RC3H1: variants seen among roughly 807,000 people sequenced by gnomAD.
RC3H1 encodes roquin-1.
Under a neutral mutation model 138.2 loss-of-function variants are expected in RC3H1, and 50 were observed. The ratio of observed to expected loss-of-function variants is 0.36; its 90% CI spans 0.29 to 0.46. The LOEUF (loss-of-function observed/expected upper bound fraction) is 0.46. Ranked by LOEUF, RC3H1 falls within the 20% of genes least tolerant of loss-of-function variation. The pLI, the probability that RC3H1 is intolerant of heterozygous loss-of-function variation, is 1.00. For missense variants in RC3H1, 1,031 were observed against 1,388.1 expected, an observed-to-expected ratio of 0.74 and a Z score of 4.09; for synonymous variants, 462 against 489.1, an observed-to-expected ratio of 0.94 and a Z score of 0.73.
At chr1:174,016,572 T>C (rs773770409) in intron 1 of RC3H1, among the ~76,000 whole-genome samples, 5 of 151,496 alleles carry the variant, frequency 3.3e-5, no homozygotes, top group Non-Finnish European at 7.4e-5. Context: ...GTTGTTCTTA[T>C]AACTAAATTA....
intron 7 of RC3H1, among the ~76,000 whole-genome samples, chr1:173,975,000 C>CA (rs1014670908): frequency 2.0e-5 from 3 of 152,154 alleles, no homozygotes; most frequent in African/African-American, 7.2e-5. Flanking sequence ...ACTGGAATGA[C>CA]AGAGTTGCCA....
intron 3 of RC3H1, 96 bp downstream of exon 3, chr1:173,984,403 G>T: frequency 8.5e-7 from 1 of 1,182,568 alleles, no homozygotes; most frequent in Non-Finnish European, 1.1e-6. Flanking sequence ...CTCTAGTTAG[G>T]TTTTTTGGGA....
intron 18 of RC3H1, among the ~76,000 whole-genome samples, chr1:173,941,863 G>A (rs187242938): frequency 5.0e-4 from 76 of 151,384 alleles, no homozygotes; most frequent in African/African-American, 1.5e-3. Context: ...CCCAGAAGAC[G>A]GAGGTTGCAG....
At chr1:173,939,202 TAC>T (rs1450073167) in intron 19 of RC3H1, among the ~76,000 whole-genome samples, 1 of 152,184 alleles carries the variant, frequency 6.6e-6, no homozygotes, top group Admixed American at 6.5e-5. Context: ...AAATACTTAC[TAC>T]CTGGCCTTTA....
chr1:174,006,083 T>C (rs1661647750), intron 1 of RC3H1, among the ~76,000 whole-genome samples: 1 of 152,132 alleles, frequency 6.6e-6, no homozygotes, highest in South Asian at 2.1e-4. Flanking sequence ...AGTGGGTGCC[T>C]GTAATCCCTG....
intron 1 of RC3H1, among the ~76,000 whole-genome samples, chr1:173,998,579 C>T (rs537508671): frequency 7.9e-5 from 12 of 152,272 alleles, no homozygotes; most frequent in African/African-American, 2.6e-4. Flanking sequence ...ACTGAAAAGA[C>T]TGCTTTATTC....
In RC3H1 at chr1:173,937,992, G is replaced by A. The variant is rs1658676247; in HGVS notation, c.*729C>T. On this transcript the variant is annotated 3_prime_UTR_variant, in exon 20 of 20. Transcript: ENST00000367696. Reference sequence around the variant, plus strand: ...AGAGAATGCAAATGATCCTTAATATGAAAATGAGGACTTCAAAATTGGTAA... The same window carrying A: ...AGAGAATGCAAATGATCCTTAATATAAAAATGAGGACTTCAAAATTGGTAA... The A allele has an allele frequency of 6.6e-6, 1 of 152,128 alleles. No individual in the cohort carries two copies. The highest frequency in any genetic ancestry group is 2.4e-5 in the African/African-American group (1 of 41,422). 9.4% of individuals were successfully genotyped at this position (152,128 alleles called of 1,614,324 possible).
intron 7 of RC3H1, among the ~76,000 whole-genome samples, chr1:173,974,277 C>CAA (rs571801899): frequency 0.062 from 2,930 of 47,160 alleles, 312 homozygotes; most frequent in East Asian, 0.21. Flanking sequence ...GAGACTGTCT[C>CAA]AAAAAAAAAA....
intron 13 of RC3H1, among the ~76,000 whole-genome samples, chr1:173,955,217 C>T (rs12732010): frequency 4.0e-4 from 45 of 113,720 alleles, no homozygotes; most frequent in Non-Finnish European, 6.4e-4. Flanking sequence ...CAGTGTGAAA[C>T]TCTGTCACAA....
chr1:173,952,401 G>GGAA (rs780465060), intron 13 of RC3H1, among the ~76,000 whole-genome samples: 4 of 55,992 alleles, frequency 7.1e-5, no homozygotes, highest in African/African-American at 1.6e-4. Context: ...TTAGCAGAAG[G>GGAA]TAAAAAAAAA....
intron 1 of RC3H1, among the ~76,000 whole-genome samples, chr1:174,013,743 ATTAT>A (rs1661811286): frequency 6.6e-6 from 1 of 151,806 alleles, no homozygotes; most frequent in Admixed American, 6.6e-5. Context: ...ACAATGGAAT[ATTAT>A]TAAGCAGTAA....
chr1:173,957,860 G>A (rs890617139), intron 13 of RC3H1, among the ~76,000 whole-genome samples: 1 of 152,042 alleles, frequency 6.6e-6, no homozygotes, highest in African/African-American at 2.4e-5. Context: ...TGCACACCTG[G>A]CTGTTTTTAC....
intron 6 of RC3H1, among the ~76,000 whole-genome samples, chr1:173,979,643 G>T (rs1660722856): frequency 6.6e-6 from 1 of 152,170 alleles, no homozygotes; most frequent in African/African-American, 2.4e-5. Context: ...GTGACAGGGT[G>T]AGACTCTGTC....
chr1:173,996,524 T>C (rs752009958), intron 1 of RC3H1, among the ~76,000 whole-genome samples: 2 of 152,126 alleles, frequency 1.3e-5, no homozygotes, highest in Non-Finnish European at 2.9e-5. Context: ...GCCTAAACCC[T>C]GTGTAGAATG....
chr1:173,966,872 A>T (rs1430616956), intron 9 of RC3H1, among the ~76,000 whole-genome samples: 4 of 152,212 alleles, frequency 2.6e-5, no homozygotes, highest in Non-Finnish European at 4.4e-5. Flanking sequence ...GTATCATTAT[A>T]TGGAATTGTT....
rs1216163678 is a variant in RC3H1, at chr1:173,970,589, T to C, written c.1250A>G (p.Tyr417Cys). Residue 417 changes from tyrosine to cysteine, a missense_variant, in exon 9 of 20, where the codon TAC (tyrosine) becomes TGC (cysteine). Transcript: ENST00000367696. ...TCTCTGCTTCATATCTCGACACATG[T>C]ATGTTTTGTATTTGCTATGCTGTGG... is the stretch of plus-strand genomic sequence containing the variant. ...QPPQHSKYKT[Y>C]MCRDMKQRGG... is the part of the protein sequence containing the mutation. 6.2e-7 allele frequency: 1 copy of C among 1,613,922 alleles called. No individual in the cohort carries two copies. The highest frequency in any genetic ancestry group is 1.7e-5 in the Admixed American group (1 of 60,002).
At chr1:173,988,449 T>C (rs1206410843) in intron 2 of RC3H1, among the ~76,000 whole-genome samples, 1 of 152,242 alleles carries the variant, frequency 6.6e-6, no homozygotes, top group Admixed American at 6.5e-5. Context: ...AATGTGCCAT[T>C]GTATGGATAT....
chr1:173,971,204 C>T (rs1269078401), intron 8 of RC3H1, among the ~76,000 whole-genome samples: 5 of 152,010 alleles, frequency 3.3e-5, no homozygotes, highest in Non-Finnish European at 7.4e-5. Context: ...TCAAATGATC[C>T]GCCTGCCTCA....
chr1:174,021,745 C>T (rs1352621014), intron 1 of RC3H1, among the ~76,000 whole-genome samples: 1 of 152,210 alleles, frequency 6.6e-6, no homozygotes, highest in African/African-American at 2.4e-5. Context: ...AGTTCCCGTG[C>T]GCATTCCCCG....
Sources: allele counts gnomAD v4.1 joint callset (sites outside exome capture counted in the v4.1 genomes callset), GRCh38; gene constraint gnomAD v4.1.1; transcripts MANE v1.5; gene names NCBI Gene and HGNC (gene_info 2026-07-23, HGNC 2026-07-21).